Variants in TCF20 observed in about 807,000 individuals in gnomAD.
The protein encoded by TCF20 is SPRE-binding protein.
A neutral mutation model predicts 148.6 loss-of-function variants in TCF20; 3 were observed. The ratio of observed to expected loss-of-function variants is 0.02; its 90% CI spans 0.01 to 0.05. The LOEUF (loss-of-function observed/expected upper bound fraction) is 0.05, where lower values mean the gene tolerates loss of function less well. Among genes scored for constraint, TCF20 ranks in the 10% least tolerant of loss-of-function variants. The pLI, the probability that TCF20 is intolerant of heterozygous loss-of-function variation, is 1.00. For synonymous variants in TCF20, 1,049 were observed against 909.5 expected, an observed-to-expected ratio of 1.15 and a Z score of -2.76; for missense variants, 2,350 against 2,429.3, an observed-to-expected ratio of 0.97 and a Z score of 0.69.
intron 1 of TCF20, among the ~76,000 whole-genome samples, chr22:42,315,222 T>G (rs1927607181): frequency 2.0e-5 from 3 of 152,142 alleles, no homozygotes; most frequent in African/African-American, 7.2e-5. Context: ...ACCAGCCACC[T>G]AATGGGGGCC....
intron 1 of TCF20, among the ~76,000 whole-genome samples, chr22:42,333,484 G>T (rs750563921): frequency 7.2e-5 from 11 of 152,254 alleles, no homozygotes; most frequent in African/African-American, 2.7e-4. Context: ...CACCATGAAC[G>T]CAAGTCACAC....
chr22:42,274,797 T>C (rs1419626896), upstream of TCF20: 1 of 152,250 alleles, frequency 6.6e-6, no homozygotes, highest in East Asian at 1.9e-4. Flanking sequence ...TCTGCTTCTC[T>C]TGGGTCTCCG....
Position 42,215,173 on chromosome 22 carries a change from C to T in TCF20, c.133G>A (p.Gly45Ser). ...CTGCCACTGCTGCCACTACTGCCAC[C>T]TGTACCTCCAAAATTCTGGAACATC... The part of the protein sequence containing the change: ...AQMFQNFGGT[G>S]GSSGSSGSGS... The change falls in exon 2 of 6, where the codon GGT becomes AGT. Residue 45 changes from glycine to serine, a missense_variant. Gly to Ser is a moderately conservative substitution (Grantham distance 56). Coordinates refer to ENST00000677622, the MANE Select transcript of TCF20 (RefSeq NM_001378418.1). 3 of 1,614,190 alleles carry T rather than the reference C, an allele frequency of 1.9e-6. No individual in the cohort carries two copies. Among genetic ancestry groups the T allele is most frequent in the Non-Finnish European group, 2.5e-6 (3 of 1,180,010 alleles).
Position 42,210,406 on chromosome 22 carries a change from A to G in TCF20, c.4900T>C (p.Tyr1634His). ...TCACACTTATTTACTACATGGATGT[A>G]AGGGTAAAAAGACTTGTTCTTGGCA... Reference protein sequence around the residue: ...TDAKNKSFYPYIHVVNKCELG... With the variant: ...TDAKNKSFYPHIHVVNKCELG... Residue 1634 changes from tyrosine (Y) to histidine (H), a missense_variant, in exon 2 of 6, where the codon TAC becomes CAC. By Grantham distance (83) the Tyr-to-His change is moderately conservative (BLOSUM62 2). Transcript: ENST00000677622. The surrounding 1 kb of genome is among the most constrained non-coding windows in gnomAD (Gnocchi z 4.7). 1 of 1,614,230 alleles carries G rather than the reference A, an allele frequency of 6.2e-7. No individual in the cohort carries two copies. The highest frequency in any genetic ancestry group is 8.5e-7 in the Non-Finnish European group (1 of 1,180,048).
At chr22:42,222,124 A>G (rs964665221) in intron 1 of TCF20, among the ~76,000 whole-genome samples, 8 of 152,208 alleles carry the variant, frequency 5.3e-5, no homozygotes, top group African/African-American at 1.9e-4. Flanking sequence ...GACTCTGGAC[A>G]GTGTCACTTG....
At chr22:42,264,406 C>A (rs1316557982) in intron 1 of TCF20, among the ~76,000 whole-genome samples, 6 of 152,114 alleles carry the variant, frequency 3.9e-5, no homozygotes, top group African/African-American at 7.2e-5. Flanking sequence ...AAAAAGCAGA[C>A]AACACTCCTC....
chr22:42,299,428 C>T lies in TCF20; in HGVS notation c.-37+44051G>A, dbSNP rs982966551. Among the ~76,000 whole-genome samples the T allele has an allele frequency of 2.3e-4, 35 of 152,340 alleles. No individual in the cohort carries two copies. Among genetic ancestry groups the T allele is most frequent in the African/African-American group, 8.2e-4 (34 of 41,580 alleles). The stretch of plus-strand genomic sequence containing the variant: ...CTCTCTCTCCCATCTCCCCTCCCCA[C>T]TCCTAGCCAACCTCCAATGCCCTGG... On this transcript the variant is annotated intron_variant, in intron 1 of 1. Coordinates refer to the TCF20 transcript ENST00000515426. The surrounding 1 kb of genome is among the most constrained non-coding windows in gnomAD (Gnocchi z 4.1).
chr22:42,309,043 C>T (rs377362295), intron 1 of TCF20, among the ~76,000 whole-genome samples: 4 of 152,088 alleles, frequency 2.6e-5, no homozygotes, highest in Admixed American at 6.6e-5. Flanking sequence ...AGAGGCCTCA[C>T]AGGACACCCT....
upstream of TCF20, among the ~76,000 whole-genome samples, chr22:42,272,649 C>T (rs1454959758): frequency 6.6e-6 from 1 of 152,194 alleles, no homozygotes; most frequent in East Asian, 1.9e-4. Context: ...CAGAACATTG[C>T]CCCAATGCCC....
intron 1 of TCF20, among the ~76,000 whole-genome samples, chr22:42,235,427 G>C (rs1317478732): frequency 6.6e-6 from 1 of 152,164 alleles, no homozygotes; most frequent in African/African-American, 2.4e-5. Flanking sequence ...TCTCTCTCCT[G>C]AAGTGACAGA....
intron 1 of TCF20, among the ~76,000 whole-genome samples, chr22:42,236,809 T>A (rs906947015): frequency 1.3e-5 from 2 of 152,228 alleles, no homozygotes; most frequent in Admixed American, 1.3e-4. Context: ...CAGCACATAT[T>A]AACTTTTATA....
chr22:42,231,990 T>C (rs941931429), intron 1 of TCF20, among the ~76,000 whole-genome samples: 4 of 151,494 alleles, frequency 2.6e-5, no homozygotes, highest in South Asian at 2.1e-4. Context: ...AAGAAAACTT[T>C]AAAAAATAAA....
chr22:42,301,360 G>A (rs1373080950), intron 1 of TCF20, among the ~76,000 whole-genome samples: 1 of 152,210 alleles, frequency 6.6e-6, no homozygotes, highest in Non-Finnish European at 1.5e-5. Context: ...GACAAGGCGT[G>A]CACCTTGGGG....
At chr22:42,178,070 C>G (rs1056330542) in intron 3 of TCF20, among the ~76,000 whole-genome samples, 1 of 152,124 alleles carries the variant, frequency 6.6e-6, no homozygotes, top group Non-Finnish European at 1.5e-5. Flanking sequence ...CCAAAAAATC[C>G]GTGAACTACT....
In TCF20 at chr22:42,214,934, G is replaced by T; in HGVS notation, c.372C>A (p.Ser124Arg). 1 of 1,614,204 alleles carries T rather than the reference G, an allele frequency of 6.2e-7. No homozygotes were observed. The highest frequency in any genetic ancestry group is 1.6e-4 in the Middle Eastern group (1 of 6,062). Residue 124 changes from serine (S) to arginine (R), a missense_variant, in exon 2 of 6, where the codon AGC becomes AGA. Physicochemically the swap from Ser to Arg is moderately radical, Grantham distance 110 (BLOSUM62 -1). Around this residue, in one of 7 missense-constraint regions of TCF20, gnomAD observed 1,641 missense variants for 1,662.6 expected, o/e 0.99. Transcript: ENST00000677622. ...PVQSYGPPQG[S>R]SFGNQYGSEG... ...CACTCCCATACTGATTGCCAAAGCT[G>T]CTCCCCTGGGGGGGTCCATAGCTCT...
chr22:42,300,206 C>T (rs1927311927), intron 1 of TCF20, among the ~76,000 whole-genome samples: 1 of 151,982 alleles, frequency 6.6e-6, no homozygotes, highest in Admixed American at 6.6e-5. Context: ...GAAACCTGTT[C>T]CCCCAAGGAG....
At chr22:42,209,584 A>C (rs1920924209) in intron 2 of TCF20, 67 bp downstream of exon 2, 7 of 1,512,328 alleles carry the variant, frequency 4.6e-6, no homozygotes, top group Non-Finnish European at 6.2e-6. Context: ...GTAAGAACAA[A>C]AACATGCAAG....
At chr22:42,308,634 G>A (rs1927477937) in intron 1 of TCF20, among the ~76,000 whole-genome samples, 1 of 152,146 alleles carries the variant, frequency 6.6e-6, no homozygotes, top group African/African-American at 2.4e-5. Flanking sequence ...AAGGTATCTG[G>A]GAATGAAAGA....
At position 42,338,520 on chromosome 22, in the gene TCF20, G is replaced by A. The variant is rs969773529; in HGVS notation, c.-37+4959C>T. The stretch of plus-strand genomic sequence containing the variant: ...CCCGAAGAGCTCGCTCAGGGGCTGC[G>A]AGTGGAAGGGCTGGGAAAATAATTA... On this transcript the variant is annotated intron_variant, in intron 1 of 1. Coordinates refer to the TCF20 transcript ENST00000515426. This position sits in a 1 kb window ranked among gnomAD's most constrained non-coding sequence, Gnocchi z 4.0. Among the ~76,000 whole-genome samples the A allele has an allele frequency of 7.9e-5, 12 of 152,230 alleles. No homozygotes were observed. The highest frequency in any genetic ancestry group is 2.9e-4 in the African/African-American group (12 of 41,464).
Sources: allele counts gnomAD v4.1 joint callset (sites outside exome capture counted in the v4.1 genomes callset), GRCh38; gene constraint gnomAD v4.1.1; regional missense constraint gnomAD v4.1.1; non-coding constraint Gnocchi (gnomAD v3.1); transcripts MANE v1.5; gene names NCBI Gene and HGNC (gene_info 2026-07-23, HGNC 2026-07-21).